The following ERC1 variants were observed in gnomAD, a reference collection of about 807,000 sequenced individuals.
ERC1 encodes ELKS/RAB6-interacting/CAST family member 1.
Under a neutral mutation model 132.0 loss-of-function variants are expected in ERC1, and 56 were observed. The observed-to-expected ratio is 0.42, with a 90% CI of 0.34 to 0.53. The LOEUF (loss-of-function observed/expected upper bound fraction) is 0.53, where lower values mean the gene tolerates loss of function less well. Ranked by LOEUF, ERC1 falls within the 20% of genes least tolerant of loss-of-function variation. The pLI, the probability that ERC1 is intolerant of heterozygous loss-of-function variation, is 0.03. For synonymous variants in ERC1, 478 were observed against 476.1 expected (o/e 1.00, Z -0.05); for missense variants, 1,202 against 1,349.9 (o/e 0.89, Z 1.72).
chr12:1,426,761 C>G (rs1426025069), intron 17 of ERC1, among the ~76,000 whole-genome samples: 1 of 152,084 alleles, frequency 6.6e-6, no homozygotes, highest in Non-Finnish European at 1.5e-5. Flanking sequence ...TAATTCTACC[C>G]CAGGTTGTCT....
intron 18 of ERC1, among the ~76,000 whole-genome samples, chr12:1,486,814 C>T (rs2094226391): frequency 6.6e-6 from 1 of 152,170 alleles, no homozygotes; most frequent in Non-Finnish European, 1.5e-5. Context: ...CCTTCAGTAA[C>T]TTCATGATTA....
intron 7 of ERC1, among the ~76,000 whole-genome samples, chr12:1,127,911 C>T (rs577828450): frequency 3.3e-5 from 5 of 152,046 alleles, no homozygotes; most frequent in Non-Finnish European, 5.9e-5. Context: ...CCAAGACCTC[C>T]GCATAAATCT....
At chr12:1,367,448 A>G (rs763656479) in intron 15 of ERC1, among the ~76,000 whole-genome samples, 8 of 152,156 alleles carry the variant, frequency 5.3e-5, no homozygotes, top group Non-Finnish European at 1.2e-4. Flanking sequence ...CCCTTCATTC[A>G]TACTCCTCTT....
At chr12:1,068,493 A>G (rs1428610618) in intron 2 of ERC1, among the ~76,000 whole-genome samples, 1 of 117,560 alleles carries the variant, frequency 8.5e-6, no homozygotes, top group African/African-American at 2.8e-5. Context: ...TTAAAAAAAA[A>G]AGTAGTCACT....
At chr12:1,183,525 C>A in intron 11 of ERC1, 104 bp downstream of exon 11, 1 of 666,214 alleles carries the variant, frequency 1.5e-6, no homozygotes, top group Non-Finnish European at 2.3e-6. Context: ...AATAATAATC[C>A]GCCAAACTTT....
chr12:1,412,117 C>G (rs2091887613), intron 17 of ERC1, among the ~76,000 whole-genome samples: 1 of 152,166 alleles, frequency 6.6e-6, no homozygotes, highest in African/African-American at 2.4e-5. Flanking sequence ...GTGCTGTAAA[C>G]CTCATTATAT....
At chr12:1,011,526 A>G (rs1964685572) in intron 1 of ERC1, among the ~76,000 whole-genome samples, 1 of 152,208 alleles carries the variant, frequency 6.6e-6, no homozygotes, top group East Asian at 1.9e-4. Flanking sequence ...TTTTTAAATA[A>G]GTAGTGTTTA....
intron 18 of ERC1, among the ~76,000 whole-genome samples, chr12:1,485,011 C>T (rs557862678): frequency 5.9e-5 from 9 of 151,600 alleles, no homozygotes; most frequent in Non-Finnish European, 8.8e-5. Context: ...GCTTCCAGAG[C>T]GGCTAGAACT....
chr12:1,138,508 AG>A (rs1338394748), intron 7 of ERC1, among the ~76,000 whole-genome samples: 5 of 151,322 alleles, frequency 3.3e-5, no homozygotes, highest in Non-Finnish European at 7.4e-5. Context: ...ACCCTGAGAA[AG>A]GATGAGGGAG....
intron 12 of ERC1, among the ~76,000 whole-genome samples, chr12:1,196,318 A>G (rs1054086538): frequency 1.3e-5 from 2 of 152,118 alleles, no homozygotes; most frequent in East Asian, 1.9e-4. Flanking sequence ...GAATACATAT[A>G]GCAGATTTTT....
At chr12:1,233,493 A>AG (rs1555321007) in intron 12 of ERC1, among the ~76,000 whole-genome samples, 2 of 147,502 alleles carry the variant, frequency 1.4e-5, no homozygotes, top group South Asian at 2.2e-4. Flanking sequence ...AAAAAAAAAA[A>AG]GAGTAAGAAA....
chr12:1,482,456 G>A (rs1290570802), intron 18 of ERC1, among the ~76,000 whole-genome samples: 1 of 151,564 alleles, frequency 6.6e-6, no homozygotes, highest in Non-Finnish European at 1.5e-5. Flanking sequence ...TGTTTTTTTT[G>A]TTTGTTTGAG....
At chr12:1,348,108 C>T (rs1053707658) in intron 15 of ERC1, among the ~76,000 whole-genome samples, 1 of 152,184 alleles carries the variant, frequency 6.6e-6, no homozygotes, top group Non-Finnish European at 1.5e-5. Context: ...CATTGTCTGG[C>T]ATGCTACAAA....
At chr12:1,025,517 G>T (rs931036977) in intron 1 of ERC1, among the ~76,000 whole-genome samples, 1 of 151,926 alleles carries the variant, frequency 6.6e-6, no homozygotes, top group African/African-American at 2.4e-5. Context: ...TTTGCTTCTG[G>T]TTTTTTATTT....
intron 11 of ERC1, 90 bp downstream of exon 11, chr12:1,183,511 A>G (rs1856956628): frequency 5.0e-6 from 4 of 803,500 alleles, no homozygotes; most frequent in Admixed American, 6.4e-5. Context: ...TAATTTACCA[A>G]TGGAATAATA....
chr12:1,041,862 G>A (rs540490496), intron 2 of ERC1, among the ~76,000 whole-genome samples: 1 of 152,304 alleles, frequency 6.6e-6, no homozygotes, highest in South Asian at 2.1e-4. Flanking sequence ...TCTTAAGGAA[G>A]CCCTTATATT....
At chr12:1,316,270 C>A (rs2081710631) in intron 15 of ERC1, among the ~76,000 whole-genome samples, 1 of 152,232 alleles carries the variant, frequency 6.6e-6, no homozygotes. Context: ...GCTTTTTAAA[C>A]CACCTTCCAC....
intron 13 of ERC1, among the ~76,000 whole-genome samples, chr12:1,243,080 G>T (rs907065679): frequency 6.6e-6 from 1 of 151,502 alleles, no homozygotes; most frequent in Non-Finnish European, 1.5e-5. Context: ...CCAGCTACTC[G>T]GGAGGCTGAG....
At chr12:1,287,546 T>G (rs1353555216) in intron 14 of ERC1, among the ~76,000 whole-genome samples, 23 of 152,166 alleles carry the variant, frequency 1.5e-4, no homozygotes, top group Non-Finnish European at 1.5e-5. Flanking sequence ...AAGGCCTGAG[T>G]AGAACAAAAC....
Sources: gnomAD v4.1 joint callset for allele counts (sites outside exome capture counted in the v4.1 genomes callset) on GRCh38, gnomAD v4.1.1 for gene constraint, MANE v1.5 for transcripts, NCBI Gene and HGNC (gene_info 2026-07-23, HGNC 2026-07-21) for gene names.